Variants in MIR2052HG observed in about 807,000 individuals in gnomAD.
MIR2052HG encodes MIR2052 host gene.
chr8:74,684,295 C>A (rs1292159963), intron 2 of MIR2052HG, among the ~76,000 whole-genome samples: 1 of 151,920 alleles, frequency 6.6e-6, no homozygotes, highest in Non-Finnish European at 1.5e-5. Flanking sequence ...TCAGAGGCTA[C>A]CTTGGGCATA....
At chr8:74,737,551 G>A (rs1214218730) in intron 4 of MIR2052HG, among the ~76,000 whole-genome samples, 1 of 152,106 alleles carries the variant, frequency 6.6e-6, no homozygotes, top group African/African-American at 2.4e-5. Context: ...AACACCTCCT[G>A]CTATTTACTA....
intron 4 of MIR2052HG, among the ~76,000 whole-genome samples, chr8:74,732,817 A>G (rs939766344): frequency 7.2e-5 from 11 of 152,146 alleles, no homozygotes; most frequent in Non-Finnish European, 8.8e-5. Flanking sequence ...CCATTCAAGG[A>G]TACCTAAGAA....
chr8:74,649,623 A>G (rs1370967454), intron 2 of MIR2052HG, among the ~76,000 whole-genome samples: 5 of 152,148 alleles, frequency 3.3e-5, no homozygotes, highest in Non-Finnish European at 5.9e-5. Context: ...TTTTCAAAAT[A>G]TCTTTTACAA....
At chr8:74,603,781 A>C (rs1282562167) in intron 1 of MIR2052HG, 1 of 846,984 alleles carries the variant, frequency 1.2e-6, no homozygotes, top group African/African-American at 1.7e-5. Flanking sequence ...ACACTCAATG[A>C]TGGATTGTGG....
rs186859131 is a variant in MIR2052HG at position 74,636,080 on chromosome 8, G to A, written n.216+23140G>A. 2.2e-4 allele frequency among the ~76,000 whole-genome samples: 33 copies of A among 152,230 alleles called. No individual in the cohort carries two copies. In the East Asian group the frequency reaches 6.4e-3, roughly 29 times the overall value. ...GATGTCCTCAGTTGCCTCTATTTCA[G>A]TTCTTTTTTCTTTCCATGAGGGGTG... On this transcript the variant is annotated intron_variant and non_coding_transcript_variant, in intron 2 of 6. Transcript: ENST00000523442.
chr8:74,649,613 T>C (rs531624136), intron 2 of MIR2052HG, among the ~76,000 whole-genome samples: 1 of 152,252 alleles, frequency 6.6e-6, no homozygotes, highest in South Asian at 2.1e-4. Context: ...ATGCATTTGG[T>C]TTTCAAAATA....
chr8:74,674,595 C>T (rs1809031404), intron 2 of MIR2052HG, among the ~76,000 whole-genome samples: 1 of 151,960 alleles, frequency 6.6e-6, no homozygotes, highest in Non-Finnish European at 1.5e-5. Flanking sequence ...TGTCTTTACT[C>T]TTCCCTACTT....
In MIR2052HG at chr8:74,603,863, C is replaced by CTGTA. The variant is rs1808064554; in HGVS notation, n.128+3956_128+3959dup. Reference sequence around the variant, plus strand: ...TCCCCTGCCATCTAGACCTGAGCCCCTGTACTCTCTCGTATTTCCTTGATC... The same window carrying CTGTA: ...TCCCCTGCCATCTAGACCTGAGCCCCTGTATGTACTCTCTCGTATTTCCTTGATC... On this transcript the variant is annotated intron_variant and non_coding_transcript_variant, in intron 1 of 6. Transcript: ENST00000523442. The CTGTA allele has an allele frequency of 3.1e-6, 3 of 969,720 alleles. No homozygotes were observed. The Admixed American group carries it at 5.1e-5, about 16-fold the overall frequency. The allele number at this position is 969,720 out of a possible 1,614,324, so 60.1% of individuals were successfully genotyped here. A position where few individuals can be genotyped will look rare whatever the true frequency, so the allele number is the denominator to read the frequency against.
At chr8:74,699,739 A>G (rs1397432075) in intron 2 of MIR2052HG, among the ~76,000 whole-genome samples, 1 of 152,066 alleles carries the variant, frequency 6.6e-6, no homozygotes, top group Non-Finnish European at 1.5e-5. Flanking sequence ...CTCAGAAATC[A>G]CCATCGCTGT....
chr8:74,677,647 A>G (rs1422752228), intron 2 of MIR2052HG, among the ~76,000 whole-genome samples: 2 of 152,154 alleles, frequency 1.3e-5, no homozygotes, highest in East Asian at 3.8e-4. Flanking sequence ...CTGGATGATG[A>G]TGAAGTTACC....
intron 4 of MIR2052HG, among the ~76,000 whole-genome samples, chr8:74,703,984 AG>A (rs1809383291): frequency 6.6e-6 from 1 of 151,950 alleles, no homozygotes; most frequent in Admixed American, 6.6e-5. Flanking sequence ...ACTTTTGGAG[AG>A]GAGTAGTTAT....
chr8:74,727,093 G>A lies in MIR2052HG; in HGVS notation n.371+23411G>A, dbSNP rs79574971. 8.5e-3 allele frequency among the ~76,000 whole-genome samples: 1,299 copies of A among 152,222 alleles called. 18 individuals are homozygous for A. The highest frequency in any genetic ancestry group is 0.029 in the African/African-American group (1,192 of 41,516). ...CATATGATGTCTGTTGAAAATTGTCGTATCAAGTTTTACACATTTTGTTTA... is the reference window on the plus strand; with the variant it reads ...CATATGATGTCTGTTGAAAATTGTCATATCAAGTTTTACACATTTTGTTTA... On this transcript the variant is annotated intron_variant and non_coding_transcript_variant, in intron 4 of 6. Transcript: ENST00000523442.
chr8:74,611,898 T>C lies in MIR2052HG; in HGVS notation n.129-955T>C, dbSNP rs188152616. On this transcript the variant is annotated intron_variant and non_coding_transcript_variant, in intron 1 of 6. Coordinates refer to ENST00000523442, the Ensembl canonical transcript of MIR2052HG. ...GCACCAGTTGTTTGCCTGACTTGGG[T>C]GTGATAGAACACTCACACAAAGTTA... Among the ~76,000 whole-genome samples, 38 of 152,312 alleles carry C rather than the reference T, an allele frequency of 2.5e-4. No homozygotes were observed. The East Asian group carries it at 7.1e-3, about 29-fold the overall frequency.
At chr8:74,693,368 G>A (rs921809300) in intron 2 of MIR2052HG, among the ~76,000 whole-genome samples, 3 of 152,120 alleles carry the variant, frequency 2.0e-5, no homozygotes, top group Non-Finnish European at 4.4e-5. Flanking sequence ...CAGGGAGAAG[G>A]AAACTTCCAT....
At chr8:74,612,094 C>T (rs1234527811) in intron 1 of MIR2052HG, among the ~76,000 whole-genome samples, 1 of 152,170 alleles carries the variant, frequency 6.6e-6, no homozygotes, top group African/African-American at 2.4e-5. Context: ...GGGCTTTGTA[C>T]CCCAGTGGCC....
At chr8:74,622,100 A>G (rs1808370036) in intron 2 of MIR2052HG, among the ~76,000 whole-genome samples, 1 of 152,248 alleles carries the variant, frequency 6.6e-6, no homozygotes, top group Admixed American at 6.5e-5. Flanking sequence ...AAAGCAATCA[A>G]CAGAGTGAAG....
intron 2 of MIR2052HG, among the ~76,000 whole-genome samples, chr8:74,662,165 T>G (rs997502154): frequency 4.6e-5 from 7 of 152,200 alleles, no homozygotes; most frequent in African/African-American, 1.7e-4. Flanking sequence ...AGCAGGGCTC[T>G]TAGAATCTAG....
At chr8:74,641,301 A>C (rs975322825) in intron 2 of MIR2052HG, among the ~76,000 whole-genome samples, 1 of 152,168 alleles carries the variant, frequency 6.6e-6, no homozygotes, top group African/African-American at 2.4e-5. Context: ...ATGTACATAT[A>C]GCCAAAAATA....
At chr8:74,696,652 A>G (rs531512660) in intron 2 of MIR2052HG, among the ~76,000 whole-genome samples, 1 of 152,242 alleles carries the variant, frequency 6.6e-6, no homozygotes, top group African/African-American at 2.4e-5. Context: ...AAACAATACC[A>G]CAAAAATACA....
Sources: gnomAD v4.1 joint callset for allele counts (sites outside exome capture counted in the v4.1 genomes callset) on GRCh38, gnomAD v4.1.1 for gene constraint, MANE v1.5 for transcripts, NCBI Gene and HGNC (gene_info 2026-07-23, HGNC 2026-07-21) for gene names.